The following GSE1 variants were observed in gnomAD, a reference collection of about 807,000 sequenced individuals.
GSE1 encodes Gse1 coiled-coil protein.
In GSE1, 32 loss-of-function variants were observed where a neutral mutation model predicts 112.6. The ratio of observed to expected loss-of-function variants is 0.28; its 90% CI spans 0.21 to 0.38. The LOEUF (loss-of-function observed/expected upper bound fraction) is 0.38. GSE1 is among the 10% of genes least tolerant of loss of function. The pLI, the probability that GSE1 is intolerant of heterozygous loss-of-function variation, is 1.00. For synonymous variants in GSE1, 1,115 were observed against 735.6 expected, an observed-to-expected ratio of 1.52 and a Z score of -8.35; for missense variants, 2,348 against 1,699.2, an observed-to-expected ratio of 1.38 and a Z score of -6.71.
chr16:85,342,582 C>T (rs1409240726), intron 1 of GSE1, among the ~76,000 whole-genome samples: 4 of 152,182 alleles, frequency 2.6e-5, no homozygotes, highest in Admixed American at 1.3e-4. Flanking sequence ...TGAATTCCTC[C>T]TCCTCAGAGC....
At chr16:85,625,396 C>G (rs749761357) in intron 1 of GSE1, among the ~76,000 whole-genome samples, 6 of 152,184 alleles carry the variant, frequency 3.9e-5, no homozygotes, top group African/African-American at 9.7e-5. Flanking sequence ...GTCCGCGGGT[C>G]CCCAGAATGC....
chr16:85,559,692 G>C (rs1261854769), intron 1 of GSE1, among the ~76,000 whole-genome samples: 1 of 152,172 alleles, frequency 6.6e-6, no homozygotes, highest in African/African-American at 2.4e-5. Context: ...GCGGGTGACT[G>C]ATACTCTCAA....
At chr16:85,509,972 G>A (rs528236301) in intron 2 of GSE1, among the ~76,000 whole-genome samples, 3 of 152,336 alleles carry the variant, frequency 2.0e-5, no homozygotes, top group Admixed American at 6.5e-5. Flanking sequence ...AATTTTTGCC[G>A]GATTTGGTGA....
Position 85,668,441 on chromosome 16 carries a change from G to C in GSE1, c.3415+17G>C. On this transcript the variant is annotated intron_variant, in intron 14 of 15. Transcript: ENST00000253458. ...ACATAGAAGGTAAGGGGGTGCTGGG[G>C]AAGAGGGGGGAGGGGGTCAGGAAAG... is the stretch of plus-strand genomic sequence containing the variant. 7.0e-7 allele frequency: 1 copy of C among 1,419,252 alleles called. No individual in the cohort carries two copies. Among genetic ancestry groups the C allele is most frequent in the Non-Finnish European group, 9.8e-7 (1 of 1,023,850 alleles). The allele number at this position is 1,419,252 out of a possible 1,614,324, so 87.9% of individuals were successfully genotyped here.
intron 2 of GSE1, among the ~76,000 whole-genome samples, chr16:85,423,141 C>A (rs968820217): frequency 6.6e-6 from 1 of 152,244 alleles, no homozygotes; most frequent in African/African-American, 2.4e-5. Flanking sequence ...TTTGCCCCAC[C>A]CCTGATGAGC....
At chr16:85,550,601 G>A (rs1312634737) in intron 2 of GSE1, among the ~76,000 whole-genome samples, 1 of 152,148 alleles carries the variant, frequency 6.6e-6, no homozygotes, top group African/African-American at 2.4e-5. Flanking sequence ...CTGGTCCTGG[G>A]GGGCCACCAG....
rs548725204 is a variant in GSE1 at position 85,657,946 on chromosome 16, T to C, written c.1640+342T>C. On this transcript the variant is annotated intron_variant, in intron 8 of 15. Transcript: ENST00000253458. Reference sequence around the variant, plus strand: ...AGGTAGAAGCTTTAATTACTAATAATACCTGTTCTCTCCATCTTCCTCTGC... The same window carrying C: ...AGGTAGAAGCTTTAATTACTAATAACACCTGTTCTCTCCATCTTCCTCTGC... Among the ~76,000 whole-genome samples, 17 of 152,340 alleles carry C rather than the reference T, an allele frequency of 1.1e-4. No individual in the cohort carries two copies. The East Asian group carries it at 2.3e-3, about 21-fold the overall frequency.
chr16:85,171,506 A>G, exon 1 of GSE1: 1 of 985,538 alleles, frequency 1.0e-6, no homozygotes, highest in Non-Finnish European at 1.2e-6. Flanking sequence ...TGGCTGCAGC[A>G]TGAGGCCCGC....
intron 1 of GSE1, among the ~76,000 whole-genome samples, chr16:85,315,628 T>TA (rs1431138970): frequency 6.6e-6 from 1 of 152,160 alleles, no homozygotes; most frequent in Non-Finnish European, 1.5e-5. Context: ...CTGGTGTGTG[T>TA]AGACTTGAGA....
chr16:85,496,790 G>T (rs1282421606), intron 2 of GSE1, among the ~76,000 whole-genome samples: 2 of 152,228 alleles, frequency 1.3e-5, no homozygotes, highest in Non-Finnish European at 2.9e-5. Flanking sequence ...CCCAGGACAG[G>T]CAGGGCTGTA....
At chr16:85,574,553 C>T (rs1473473385) in intron 1 of GSE1, among the ~76,000 whole-genome samples, 2 of 152,198 alleles carry the variant, frequency 1.3e-5, no homozygotes, top group Non-Finnish European at 2.9e-5. Flanking sequence ...GAAGTGACCT[C>T]GTAGAACACA....
At chr16:85,238,818 C>T (rs377438629) in intron 1 of GSE1, among the ~76,000 whole-genome samples, 3 of 152,306 alleles carry the variant, frequency 2.0e-5, no homozygotes, top group Non-Finnish European at 4.4e-5. Context: ...CTTATTCATC[C>T]ACAGGGCTCC....
At chr16:85,499,173 G>A (rs903415754) in intron 2 of GSE1, among the ~76,000 whole-genome samples, 2 of 152,158 alleles carry the variant, frequency 1.3e-5, no homozygotes, top group East Asian at 3.8e-4. Context: ...TCCTGGGAGT[G>A]GCTTCTGAGG....
intron 2 of GSE1, among the ~76,000 whole-genome samples, chr16:85,635,643 C>CT (rs2049933739): frequency 6.6e-6 from 1 of 152,142 alleles, no homozygotes; most frequent in Non-Finnish European, 1.5e-5. Context: ...CTGCAGTTGT[C>CT]TTTTTTTCTC....
At chr16:85,640,643 C>G (rs962116931) in intron 2 of GSE1, among the ~76,000 whole-genome samples, 2 of 152,246 alleles carry the variant, frequency 1.3e-5, no homozygotes, top group African/African-American at 4.8e-5. Flanking sequence ...TCCTCATGAG[C>G]TGCCGTGGGA....
chr16:85,535,526 C>A (rs889098707), intron 2 of GSE1, among the ~76,000 whole-genome samples: 2 of 152,238 alleles, frequency 1.3e-5, no homozygotes, highest in African/African-American at 4.8e-5. Context: ...AGGTTGGCCT[C>A]CTTATCTGGG....
At chr16:85,411,769 AG>A (rs1439629502) in intron 2 of GSE1, among the ~76,000 whole-genome samples, 5 of 17,568 alleles carry the variant, frequency 2.8e-4, no homozygotes, top group Non-Finnish European at 6.0e-4. Context: ...CGTTACACTC[AG>A]GGCCCCCCTG....
At chr16:85,237,716 T>C (rs565459322) in intron 1 of GSE1, among the ~76,000 whole-genome samples, 1 of 152,074 alleles carries the variant, frequency 6.6e-6, no homozygotes, top group East Asian at 1.9e-4. Flanking sequence ...CGGGCGCCTG[T>C]AGTCCCAGCT....
intron 1 of GSE1, among the ~76,000 whole-genome samples, chr16:85,353,934 G>A (rs1204046406): frequency 6.6e-6 from 1 of 152,232 alleles, no homozygotes; most frequent in African/African-American, 2.4e-5. Flanking sequence ...CAGGAAGCCT[G>A]CTGCCTGGTC....
Sources: allele counts gnomAD v4.1 joint callset (sites outside exome capture counted in the v4.1 genomes callset), GRCh38; gene constraint gnomAD v4.1.1; transcripts MANE v1.5; gene names NCBI Gene and HGNC (gene_info 2026-07-23, HGNC 2026-07-21).